NEO1: variants seen among roughly 807,000 people sequenced by gnomAD.
NEO1 encodes the protein neogenin.
NEO1 carries 63 observed loss-of-function variants against 159.7 expected under a neutral mutation model. The ratio of observed to expected loss-of-function variants is 0.39; its 90% CI spans 0.32 to 0.49. The LOEUF (loss-of-function observed/expected upper bound fraction) is 0.49, where lower values mean the gene tolerates loss of function less well. Among genes scored for constraint, NEO1 ranks in the 20% least tolerant of loss-of-function variants. The pLI is 0.85. For synonymous variants in NEO1, 633 were observed against 662.0 expected (o/e 0.96, Z 0.67); for missense variants, 1,615 against 1,831.0 (o/e 0.88, Z 2.15).
Position 73,273,854 on chromosome 15 carries a change from T to C in NEO1, c.3009T>C (p.His1003=). The C allele has an allele frequency of 6.2e-7, 1 of 1,614,166 alleles. No homozygotes were observed. Among genetic ancestry groups the C allele is most frequent in the East Asian group, 2.2e-5 (1 of 44,876 alleles). The stretch of plus-strand genomic sequence containing the variant: ...GTACAGATGTGAATGCAGAGATACA[T>C]GACTGGGTTATTGAGCCTGTTGTGG... ...YYSTDVNAEI[H]DWVIEPVVGN... is the part of the protein sequence containing the mutation. Residue 1003 remains histidine, a synonymous_variant, in exon 20 of 29, where the codon CAT becomes CAC. Coordinates refer to ENST00000261908, the MANE Select transcript of NEO1 (RefSeq NM_002499.4).
At chr15:73,112,353 C>A (rs976702575) in intron 1 of NEO1, among the ~76,000 whole-genome samples, 1 of 152,072 alleles carries the variant, frequency 6.6e-6, no homozygotes, top group Non-Finnish European at 1.5e-5. Context: ...CTTTTAAATT[C>A]TTTACCTGTT....
chr15:73,229,681 G>T (rs1292611340), intron 7 of NEO1, among the ~76,000 whole-genome samples: 1 of 152,002 alleles, frequency 6.6e-6, no homozygotes. Context: ...TACATACAGT[G>T]CTCACTGTAG....
chr15:73,055,200 A>T (rs1429678146), intron 1 of NEO1, among the ~76,000 whole-genome samples: 2 of 152,202 alleles, frequency 1.3e-5, no homozygotes, highest in Admixed American at 6.5e-5. Context: ...CTTGGGGAAG[A>T]TGACATGGCA....
intron 5 of NEO1, among the ~76,000 whole-genome samples, chr15:73,169,352 T>C (rs2034797117): frequency 6.6e-6 from 1 of 152,192 alleles, no homozygotes; most frequent in African/African-American, 2.4e-5. Context: ...GGTAACAAAA[T>C]GCATAATCTT....
At chr15:73,161,658 A>G (rs2034187705) in intron 5 of NEO1, 1 of 160,650 alleles carries the variant, frequency 6.2e-6, no homozygotes, top group Admixed American at 6.5e-5. Flanking sequence ...GACAACATTT[A>G]TCAAACATAT....
chr15:73,249,719 A>G lies in NEO1; in HGVS notation c.1892A>G (p.Asp631Gly). 6.2e-7 allele frequency: 1 copy of G among 1,608,378 alleles called. No individual in the cohort carries two copies. The highest frequency in any genetic ancestry group is 1.1e-5 in the South Asian group (1 of 89,642). ...GATGTTGCTGTTCGAACATTGTCAG[A>G]TGGTGAGTCTTTCTTCCTCTGGAAC... ...TPDVAVRTLS[D>G]VPSAAPQNLS... Residue 631 changes from aspartate to glycine, a missense_variant and splice_region_variant, in exon 11 of 29, where the codon GAT becomes GGT. Transcript: ENST00000261908.
chr15:73,134,291 G>C (rs939225645), intron 4 of NEO1, among the ~76,000 whole-genome samples: 2 of 152,148 alleles, frequency 1.3e-5, no homozygotes, highest in Non-Finnish European at 2.9e-5. Context: ...ATTTCTGATA[G>C]GAAGGTTGCT....
At chr15:73,132,834 A>G (rs2031301565) in intron 4 of NEO1, among the ~76,000 whole-genome samples, 1 of 152,178 alleles carries the variant, frequency 6.6e-6, no homozygotes, top group Non-Finnish European at 1.5e-5. Context: ...GCAGTGCAAA[A>G]CCACCTTCCT....
chr15:73,096,258 T>G (rs1175805100), intron 1 of NEO1, among the ~76,000 whole-genome samples: 2 of 152,102 alleles, frequency 1.3e-5, no homozygotes, highest in Non-Finnish European at 1.5e-5. Context: ...ACTGAAGAAG[T>G]TGAGCAAACT....
At chr15:73,289,029 T>A (rs1482898364) in intron 24 of NEO1, 117 bp from the exon 25 acceptor site, 6 of 723,352 alleles carry the variant, frequency 8.3e-6, no homozygotes, top group Non-Finnish European at 1.5e-5. Context: ...CAGAAATGTC[T>A]TGTCCCCATT....
intron 26 of NEO1, 113 bp from the exon 27 acceptor site, chr15:73,298,235 G>A (rs149948807): frequency 1.3e-3 from 1,707 of 1,271,762 alleles, no homozygotes; most frequent in Non-Finnish European, 1.7e-3. Context: ...GACTAGCACT[G>A]ATCGCAAGTG....
chr15:73,175,945 T>C (rs553590289), intron 5 of NEO1, among the ~76,000 whole-genome samples: 10 of 152,300 alleles, frequency 6.6e-5, no homozygotes, highest in African/African-American at 2.4e-4. Context: ...GTGAGCTGTT[T>C]AAGGACTCTA....
In NEO1 at chr15:73,274,687, G is replaced by A. The variant is rs372780105; in HGVS notation, c.3161-5G>A. The A allele has an allele frequency of 3.0e-5, 49 of 1,613,672 alleles. No homozygotes were observed. The highest frequency in any genetic ancestry group is 3.9e-5 in the Non-Finnish European group (46 of 1,179,920). On this transcript the variant is annotated splice_polypyrimidine_tract_variant and splice_region_variant and intron_variant, in intron 20 of 28. Coordinates refer to ENST00000261908, the MANE Select transcript of NEO1 (RefSeq NM_002499.4). Reference sequence around the variant, plus strand: ...TTTTTTCTTCCCCTGTGCTTGGCCTGTTAGCGGACTCCTCTGATAAAATGC... The same window carrying A: ...TTTTTTCTTCCCCTGTGCTTGGCCTATTAGCGGACTCCTCTGATAAAATGC...
At chr15:73,093,575 T>G (rs2069820286) in intron 1 of NEO1, among the ~76,000 whole-genome samples, 1 of 152,070 alleles carries the variant, frequency 6.6e-6, no homozygotes, top group African/African-American at 2.4e-5. Flanking sequence ...AAGTTCCTTT[T>G]TTTTTTTTTC....
At chr15:73,106,701 C>A (rs952558616) in intron 1 of NEO1, among the ~76,000 whole-genome samples, 8 of 152,122 alleles carry the variant, frequency 5.3e-5, no homozygotes, top group African/African-American at 1.9e-4. Flanking sequence ...TGACTTTGGG[C>A]AAATTCTTCA....
chr15:73,165,871 C>T (rs1323737893), intron 5 of NEO1, among the ~76,000 whole-genome samples: 1 of 152,206 alleles, frequency 6.6e-6, no homozygotes, highest in Non-Finnish European at 1.5e-5. Context: ...AATGTGCATG[C>T]AGGCGGTTAG....
intron 16 of NEO1, among the ~76,000 whole-genome samples, chr15:73,269,074 T>C (rs972586202): frequency 2.0e-5 from 3 of 152,298 alleles, no homozygotes; most frequent in African/African-American, 7.2e-5. Flanking sequence ...TTTTGCTTTA[T>C]TTGGGTGTCA....
At chr15:73,157,969 A>G (rs2151868559) in intron 5 of NEO1, among the ~76,000 whole-genome samples, 1 of 152,266 alleles carries the variant, frequency 6.6e-6, no homozygotes, top group South Asian at 2.1e-4. Flanking sequence ...TAATCCCAGC[A>G]TTCTGGGAGG....
intron 5 of NEO1, among the ~76,000 whole-genome samples, chr15:73,145,534 C>T (rs2032818476): frequency 6.6e-6 from 1 of 151,912 alleles, no homozygotes; most frequent in Non-Finnish European, 1.5e-5. Context: ...ACTTAAATGC[C>T]CAAAAATAGG....
Sources: gnomAD v4.1 joint callset for allele counts (sites outside exome capture counted in the v4.1 genomes callset) on GRCh38, gnomAD v4.1.1 for gene constraint, MANE v1.5 for transcripts, NCBI Gene and HGNC (gene_info 2026-07-23, HGNC 2026-07-21) for gene names.